The following UTY variants were observed in gnomAD, a reference collection of about 807,000 sequenced individuals.
The protein encoded by UTY is ubiquitously transcribed tetratricopeptide repeat containing, Y-linked, also known as histone demethylase UTY.
In UTY, 12 loss-of-function variants were observed where a neutral mutation model predicts 32.5. The observed-to-expected ratio is 0.37, with a 90% CI of 0.24 to 0.60. The LOEUF (loss-of-function observed/expected upper bound fraction) is 0.60, where lower values mean the gene tolerates loss of function less well. Ranked by LOEUF, UTY falls within the 20% of genes least tolerant of loss-of-function variation. UTY has a pLI of 0.69. For missense variants in UTY, 303 were observed against 299.2 expected, an observed-to-expected ratio of 1.01 and a Z score of -0.09; for synonymous variants, 131 against 103.4, an observed-to-expected ratio of 1.27 and a Z score of -1.62.
At chrY:13,418,432 G>A (rs2072073304) in intron 4 of UTY, among the ~76,000 whole-genome samples, 2 of 32,418 alleles carry the variant, frequency 6.2e-5, no homozygotes, top group African/African-American at 2.4e-4. Context: ...CCCAGTAATC[G>A]GATCACTGGG....
chrY:13,315,476 C>T (rs766281869), intron 21 of UTY, among the ~76,000 whole-genome samples: 58 of 33,368 alleles, frequency 1.7e-3, no homozygotes, highest in Admixed American at 1.3e-3. Context: ...GGTGTGGTGG[C>T]GCATGCCTGT....
chrY:13,395,659 AACACAC>A (rs113496156), intron 7 of UTY, among the ~76,000 whole-genome samples: 3 of 22,095 alleles, frequency 1.4e-4, no homozygotes, highest in African/African-American at 2.3e-4. Flanking sequence ...ACAAAATTAA[AACACAC>A]ACACACACAC....
chrY:13,329,307 GTTAT>G (rs2060493637), intron 18 of UTY, among the ~76,000 whole-genome samples: 1 of 33,550 alleles, frequency 3.0e-5, no homozygotes, highest in African/African-American at 1.2e-4. Flanking sequence ...CTAGTTATAG[GTTAT>G]TTATTTTCTG....
chrY:13,268,144 C>T, intron 27 of UTY, among the ~76,000 whole-genome samples: 1 of 32,918 alleles, frequency 3.0e-5, no homozygotes, highest in Admixed American at 2.7e-4. Context: ...CACTCTCCCC[C>T]GTCACTTTCA....
At chrY:13,391,332 A>G in intron 8 of UTY, among the ~76,000 whole-genome samples, 2 of 33,504 alleles carry the variant, frequency 6.0e-5, no homozygotes, top group African/African-American at 2.3e-4. Context: ...ATACAAATTG[A>G]GATTATTTTA....
chrY:13,304,877 C>A, intron 24 of UTY, among the ~76,000 whole-genome samples: 1 of 29,515 alleles, frequency 3.4e-5, no homozygotes, highest in South Asian at 7.9e-4. Flanking sequence ...GCCAATTGAA[C>A]CTCTCGGCTT....
chrY:13,404,330 T>C, intron 6 of UTY, among the ~76,000 whole-genome samples: 2 of 32,513 alleles, frequency 6.2e-5, no homozygotes, highest in African/African-American at 2.4e-4. Context: ...AAAAAATGCA[T>C]TGCAGAATAA....
intron 28 of UTY, among the ~76,000 whole-genome samples, chrY:13,241,768 CAT>C (rs2053905195): frequency 3.0e-5 from 1 of 33,719 alleles, no homozygotes; most frequent in African/African-American, 1.2e-4. Flanking sequence ...TTTCTGGAAA[CAT>C]ATAAACTAGC....
chrY:13,429,298 C>T (rs2073726977), intron 4 of UTY, among the ~76,000 whole-genome samples: 1 of 33,328 alleles, frequency 3.0e-5, no homozygotes, highest in East Asian at 7.8e-4. Context: ...ATGTTGGCTG[C>T]GAGTCTGTCA....
chrY:13,297,449 T>G, intron 27 of UTY: 2 of 123,739 alleles, frequency 1.6e-5, no homozygotes, highest in Non-Finnish European at 2.6e-5. Context: ...AATTTACCAG[T>G]GTATATTCAT....
intron 2 of UTY, among the ~76,000 whole-genome samples, chrY:13,474,584 G>A: frequency 3.0e-5 from 1 of 33,208 alleles, no homozygotes; most frequent in African/African-American, 1.2e-4. Context: ...ATACACAGAG[G>A]GAATAACTGG....
chrY:13,249,940 T>G (rs2054016669), intron 29 of UTY, 58 bp from the exon 30 acceptor site: 1 of 143,154 alleles, frequency 7.0e-6, no homozygotes, highest in South Asian at 7.1e-5. Context: ...TGCTAGCTTA[T>G]GACTATAAAA....
intron 17 of UTY, among the ~76,000 whole-genome samples, chrY:13,351,916 TCAAG>T (rs2062431655): frequency 4.7e-4 from 16 of 33,888 alleles, no homozygotes; most frequent in African/African-American, 1.8e-3. Context: ...ACAGTGGATA[TCAAG>T]CAAGCAAGTC....
intron 8 of UTY, among the ~76,000 whole-genome samples, chrY:13,378,244 C>G: frequency 6.2e-5 from 2 of 32,371 alleles, no homozygotes; most frequent in African/African-American, 1.2e-4. Context: ...ACCAGAGAAA[C>G]TAAAGAAAAT....
chrY:13,445,882 T>C lies in UTY; in HGVS notation c.375+3135A>G, dbSNP rs760115492. On this transcript the variant is annotated intron_variant, in intron 4 of 29. Transcript: ENST00000545955. ...GAGGTAGATTCTGTCAATGACTCATTTGTTAAGGGTTTTTAACATGAAGGA... is the reference window on the plus strand; with the variant it reads ...GAGGTAGATTCTGTCAATGACTCATCTGTTAAGGGTTTTTAACATGAAGGA... Among the ~76,000 whole-genome samples, 12 of 33,529 alleles carry C rather than the reference T, an allele frequency of 3.6e-4. No individual in the cohort carries two copies. In the East Asian group the frequency reaches 9.2e-3, roughly 26 times the overall value. The allele number at this position is 33,529 out of a possible 37,273, so 90.0% of individuals were successfully genotyped here.
intron 27 of UTY, among the ~76,000 whole-genome samples, chrY:13,278,106 C>T (rs2056800930): frequency 8.9e-5 from 3 of 33,546 alleles, no homozygotes; most frequent in Non-Finnish European, 2.2e-4. Flanking sequence ...GGCCATACTT[C>T]CTGGATGACA....
At position 13,336,229 on chromosome Y, in the gene UTY, T is replaced by A; in HGVS notation, c.2168A>T (p.Lys723Met). Residue 723 changes from lysine to methionine, a missense_variant, in exon 18 of 30, where the codon AAG becomes ATG. By Grantham distance (95) the Lys-to-Met change is moderately conservative. Transcript: ENST00000545955. ...CAGAGTGAGATGTTCATTCGCCTTC[T>A]TAATACCAGTGCTAGTTGCCTGGTG... Reference protein sequence around the residue: ...QYHQATSTGIKKANEHLTLPS... With the variant: ...QYHQATSTGIMKANEHLTLPS... The A allele has an allele frequency of 2.5e-6, 1 of 398,733 alleles. No individual in the cohort carries two copies. Among genetic ancestry groups the A allele is most frequent in the South Asian group, 3.0e-5 (1 of 33,765 alleles).
chrY:13,470,728 T>C, intron 2 of UTY, among the ~76,000 whole-genome samples: 1 of 33,164 alleles, frequency 3.0e-5, no homozygotes, highest in South Asian at 6.6e-4. Context: ...TACTTTTCCA[T>C]CTTGAAAAGA....
At chrY:13,284,128 A>C in intron 27 of UTY, among the ~76,000 whole-genome samples, 1 of 33,996 alleles carries the variant, frequency 2.9e-5, no homozygotes, top group Admixed American at 2.7e-4. Context: ...AAAGTTGTGA[A>C]AGACAAAAAA....
Sources: gnomAD v4.1 joint callset for allele counts (sites outside exome capture counted in the v4.1 genomes callset) on GRCh38, gnomAD v4.1.1 for gene constraint, MANE v1.5 for transcripts, NCBI Gene and HGNC (gene_info 2026-07-23, HGNC 2026-07-21) for gene names.